The following TTYH1 variants were observed in gnomAD, a reference collection of about 807,000 sequenced individuals.
TTYH1 encodes the protein protein tweety homolog 1.
TTYH1 carries 33 observed loss-of-function variants against 61.2 expected under a neutral mutation model. The observed-to-expected ratio is 0.54, with a 90% CI of 0.41 to 0.72. The LOEUF (loss-of-function observed/expected upper bound fraction) is 0.72. TTYH1 is among the 30% of genes least tolerant of loss of function. TTYH1 has a pLI of 0.00. For missense variants in TTYH1, 538 were observed against 575.8 expected, an observed-to-expected ratio of 0.93 and a Z score of 0.67; for synonymous variants, 308 against 266.4, an observed-to-expected ratio of 1.16 and a Z score of -1.52.
chr19:54,419,059 G>C lies in TTYH1; in HGVS notation c.127-69G>C. ...TCCCAGACCCCGACCCCCCAGCCAC[G>C]CAGGAAGGGGGATCTGAGTGTGGAA... is the stretch of plus-strand genomic sequence containing the variant. On this transcript the variant is annotated intron_variant, in intron 1 of 13. Transcript: ENST00000376530. The surrounding 1 kb of genome is among the most constrained non-coding windows in gnomAD (Gnocchi z 6.1). The C allele has an allele frequency of 6.8e-7, 1 of 1,476,324 alleles. No individual in the cohort carries two copies. Among genetic ancestry groups the C allele is most frequent in the East Asian group, 2.3e-5 (1 of 42,834 alleles). The allele number at this position is 1,476,324 out of a possible 1,614,324, so 91.5% of individuals were successfully genotyped here.
rs1040814135 is a variant in TTYH1, at chr19:54,415,791, C to T, written c.126+113C>T. 2.5e-5 allele frequency: 31 copies of T among 1,221,334 alleles called. No homozygotes were observed. In the African/African-American group the frequency reaches 4.1e-4, roughly 16 times the overall value. 75.7% of individuals were successfully genotyped at this position (1,221,334 alleles called of 1,614,324 possible). A position where few individuals can be genotyped will look rare whatever the true frequency, so the allele number is the denominator to read the frequency against. ...CCTGAGCTCCGCCGGAGGCTGGGGG[C>T]CGGCCCGGACTTTGGGGTTTCGGAG... On this transcript the variant is annotated intron_variant, in intron 1 of 13. Coordinates refer to ENST00000376530, the MANE Select transcript of TTYH1 (RefSeq NM_020659.4). The surrounding 1 kb of genome is among the most constrained non-coding windows in gnomAD (Gnocchi z 5.2).
rs1229046646 is a variant in TTYH1 at position 54,429,997 on chromosome 19, G to A, written c.883+40G>A. 1 of 1,574,610 alleles carries A rather than the reference G, an allele frequency of 6.4e-7. No individual in the cohort carries two copies. The highest frequency in any genetic ancestry group is 1.4e-5 in the African/African-American group (1 of 74,016). Reference sequence around the variant, plus strand: ...CCCGGTGGGTCCGCCGGGTTGGGCAGTGCAGGCCCTGGCTTCCTCAGGCCT... The same window carrying A: ...CCCGGTGGGTCCGCCGGGTTGGGCAATGCAGGCCCTGGCTTCCTCAGGCCT... On this transcript the variant is annotated intron_variant, in intron 7 of 13. Coordinates refer to ENST00000376530, the MANE Select transcript of TTYH1 (RefSeq NM_020659.4). The surrounding 1 kb of genome is among the most constrained non-coding windows in gnomAD (Gnocchi z 5.1).
Position 54,415,475 on chromosome 19 carries a change from G to C in TTYH1, c.-78G>C. On this transcript the variant is annotated 5_prime_UTR_variant, in exon 1 of 14. Transcript: ENST00000376530. The surrounding 1 kb of genome is among the most constrained non-coding windows in gnomAD (Gnocchi z 5.2). ...GCTCCCCTGAGCCCAGCCAGACCCC[G>C]CGCCGCCCGCGCCCCGCTCGACTCC... The C allele has an allele frequency of 9.7e-7, 1 of 1,026,916 alleles. No homozygotes were observed. Among genetic ancestry groups the C allele is most frequent in the East Asian group, 1.1e-4 (1 of 9,268 alleles). 63.6% of individuals were successfully genotyped at this position (1,026,916 alleles called of 1,614,324 possible).
rs1472879548 is a variant in TTYH1 at position 54,435,847 on chromosome 19, G to A, written c.1288G>A (p.Asp430Asn). 2 of 1,613,232 alleles carry A rather than the reference G, an allele frequency of 1.2e-6. No homozygotes were observed. Among genetic ancestry groups the A allele is most frequent in the East Asian group, 2.2e-5 (1 of 44,890 alleles). The change falls in exon 12 of 14, where the codon GAC (aspartate) becomes AAC (asparagine). Residue 430 changes from aspartate to asparagine, a missense_variant. Transcript: ENST00000376530. ...FPPSDDYDDT[D>N]DDDPFNPQES... ...CCCCAGTGACGACTACGATGACACA[G>A]ACGATGACGACCCTTTCAACCCTCA...
In TTYH1 at chr19:54,429,262, T is replaced by C; in HGVS notation, c.735-45T>C. The C allele has an allele frequency of 6.3e-6, 10 of 1,577,956 alleles. No individual in the cohort carries two copies. Among genetic ancestry groups the C allele is most frequent in the Non-Finnish European group, 8.7e-6 (10 of 1,147,284 alleles). On this transcript the variant is annotated intron_variant, in intron 5 of 13. Transcript: ENST00000376530. This position sits in a 1 kb window ranked among gnomAD's most constrained non-coding sequence, Gnocchi z 5.1. Reference sequence around the variant, plus strand: ...TTTGGGGTGTGGAAAGAGGCTAGGCTAGGAGATTAAGAACCCCGGGCTGAT... The same window carrying C: ...TTTGGGGTGTGGAAAGAGGCTAGGCCAGGAGATTAAGAACCCCGGGCTGAT...
intron 4 of TTYH1, among the ~76,000 whole-genome samples, chr19:54,423,799 G>C (rs1342116992): frequency 6.6e-6 from 1 of 152,152 alleles, no homozygotes; most frequent in Non-Finnish European, 1.5e-5. Flanking sequence ...GCGTCCTCCG[G>C]GGGGAACCAG....
Position 54,422,492 on chromosome 19 carries a change from C to T in TTYH1, c.638+82C>T, listed in dbSNP as rs1599892486. 5.4e-6 allele frequency: 7 copies of T among 1,284,812 alleles called. No homozygotes were observed. In the East Asian group the frequency reaches 1.5e-4, roughly 28 times the overall value. The allele number at this position is 1,284,812 out of a possible 1,614,324, so 79.6% of individuals were successfully genotyped here. On this transcript the variant is annotated intron_variant, in intron 4 of 13. Coordinates refer to ENST00000376530, the MANE Select transcript of TTYH1 (RefSeq NM_020659.4). ...GGGGACAGTTGGCAATGCCTGGAGG[C>T]AGTTTTGGTTGTGACAGCTGGGGAG...
At chr19:54,423,937 C>T (rs1349754679) in intron 4 of TTYH1, among the ~76,000 whole-genome samples, 6 of 152,030 alleles carry the variant, frequency 3.9e-5, no homozygotes, top group African/African-American at 9.7e-5. Flanking sequence ...CCGAGGCAGG[C>T]GGATCACGAG....
At chr19:54,423,363 A>C in intron 4 of TTYH1, among the ~76,000 whole-genome samples, 1 of 151,830 alleles carries the variant, frequency 6.6e-6, no homozygotes, top group African/African-American at 2.4e-5. Context: ...ACGCCCGGCT[A>C]ATTTTTGTAT....
In TTYH1 at chr19:54,430,871, A is replaced by G. The variant is rs2122935104; in HGVS notation, c.998A>G (p.Glu333Gly). The G allele has an allele frequency of 1.2e-6, 2 of 1,613,628 alleles. No homozygotes were observed. The highest frequency in any genetic ancestry group is 1.1e-5 in the South Asian group (1 of 91,080). The change falls in exon 9 of 14, where the codon GAG (glutamate) becomes GGG (glycine). Residue 333 changes from glutamate to glycine, a missense_variant. Physicochemically the swap from Glu to Gly is moderately conservative, Grantham distance 98. This residue lies in a region of TTYH1 where 378 missense variants were observed against 401.2 expected (regional missense o/e 0.94). Transcript: ENST00000376530. ...ATCCACTCCCAGCTGCTGGGCCTGG[A>G]GCGAGAAGCTGTGCCTCAGTTCCCT... ...ANIHSQLLGL[E>G]REAVPQFPSA...
chr19:54,415,827 C>T lies in TTYH1; in HGVS notation c.126+149C>T. ...TTTGGGGTTTCGGAGGGAGGAGGAG[C>T]CTGGGGGCGCCCATGCCTGGAGGTT... On this transcript the variant is annotated intron_variant, in intron 1 of 13. Transcript: ENST00000376530. The surrounding 1 kb of genome is among the most constrained non-coding windows in gnomAD (Gnocchi z 5.2). 1.0e-6 allele frequency: 1 copy of T among 970,782 alleles called. No homozygotes were observed. Among genetic ancestry groups the T allele is most frequent in the Non-Finnish European group, 1.5e-6 (1 of 684,872 alleles). 60.1% of individuals were successfully genotyped at this position (970,782 alleles called of 1,614,324 possible).
chr19:54,431,080 A>T lies in TTYH1; in HGVS notation c.1033-19A>T. On this transcript the variant is annotated intron_variant, in intron 9 of 13. Transcript: ENST00000376530. The stretch of plus-strand genomic sequence containing the variant: ...GGCCTGAAGAGTTCGTGGGAAAACG[A>T]CCCCTCCTCGCCCCGCAGAAGCCTC... 6.3e-7 allele frequency: 1 copy of T among 1,596,904 alleles called. No individual in the cohort carries two copies. Among genetic ancestry groups the T allele is most frequent in the Admixed American group, 1.7e-5 (1 of 59,836 alleles).
At position 54,419,389 on chromosome 19, in the gene TTYH1, G is replaced by A. The variant is rs1376880530; in HGVS notation, c.305+83G>A. The A allele has an allele frequency of 1.4e-6, 2 of 1,396,680 alleles. No homozygotes were observed. The highest frequency in any genetic ancestry group is 1.4e-5 in the African/African-American group (1 of 70,906). 86.5% of individuals were successfully genotyped at this position (1,396,680 alleles called of 1,614,324 possible). A position where few individuals can be genotyped will look rare whatever the true frequency, so the allele number is the denominator to read the frequency against. ...GGCCTTCCTGGGGGTGTCCTCCGGG[G>A]ACATGGAGGAAGCAGACAGGAAGGA... On this transcript the variant is annotated intron_variant, in intron 2 of 13. Transcript: ENST00000376530. This position sits in a 1 kb window ranked among gnomAD's most constrained non-coding sequence, Gnocchi z 6.1.
At chr19:54,427,970 G>A (rs996038166) in intron 5 of TTYH1, among the ~76,000 whole-genome samples, 5 of 151,860 alleles carry the variant, frequency 3.3e-5, no homozygotes, top group Non-Finnish European at 7.4e-5. Context: ...GAGTGCAGTG[G>A]CATGATCACG....
rs1220308301 is a variant in TTYH1 at position 54,429,771 on chromosome 19, ACCTGGAC to A, written c.808-108_808-102del. The A allele has an allele frequency of 1.1e-6, 1 of 912,372 alleles. No individual in the cohort carries two copies. The highest frequency in any genetic ancestry group is 1.7e-6 in the Non-Finnish European group (1 of 571,950). The allele number at this position is 912,372 out of a possible 1,614,324, so 56.5% of individuals were successfully genotyped here. On this transcript the variant is annotated intron_variant, in intron 6 of 13. Transcript: ENST00000376530. The surrounding 1 kb of genome is among the most constrained non-coding windows in gnomAD (Gnocchi z 5.1). ...TGAGTCTGAGGGAAGAGGGGCTGGG[ACCTGGAC>A]CCCTGGGTGGGGAGGGGAGCTGGGG...
intron 3 of TTYH1, 72 bp from the exon 4 acceptor site, chr19:54,422,117 TA>T: frequency 1.5e-6 from 2 of 1,324,832 alleles, no homozygotes; most frequent in Non-Finnish European, 2.1e-6. Flanking sequence ...CCTTCACTTC[TA>T]AAACCCCATG....
At chr19:54,425,020 C>T (rs756047749) in intron 4 of TTYH1, among the ~76,000 whole-genome samples, 3 of 152,140 alleles carry the variant, frequency 2.0e-5, no homozygotes, top group South Asian at 2.1e-4. Flanking sequence ...CTGGGCCCTG[C>T]GGTGAGTGTT....
chr19:54,436,150 T>C lies in TTYH1; in HGVS notation c.*21T>C, dbSNP rs774476844. On this transcript the variant is annotated 3_prime_UTR_variant, in exon 13 of 14. Coordinates refer to ENST00000376530, the MANE Select transcript of TTYH1 (RefSeq NM_020659.4). The surrounding 1 kb of genome is among the most constrained non-coding windows in gnomAD (Gnocchi z 4.3). ...TCTGAGCCCCTCCTCCCGGCTGGACTGGAGCCTGGCTCCCCTCTTCGGTGA... is the reference window on the plus strand; with the variant it reads ...TCTGAGCCCCTCCTCCCGGCTGGACCGGAGCCTGGCTCCCCTCTTCGGTGA... 1 of 1,614,086 alleles carries C rather than the reference T, an allele frequency of 6.2e-7. No individual in the cohort carries two copies. The highest frequency in any genetic ancestry group is 8.5e-7 in the Non-Finnish European group (1 of 1,179,978).
rs759684896 is a variant in TTYH1, at chr19:54,422,403, G to C, written c.631G>C (p.Glu211Gln). ...QVAENVSFVE[E>Q]YRWLAYVLLL... Reference sequence around the variant, plus strand: ...GGCTGAAAATGTGTCCTTTGTGGAGGAGTACAGGTGAGACGCTGCTCTTCT... The same window carrying C: ...GGCTGAAAATGTGTCCTTTGTGGAGCAGTACAGGTGAGACGCTGCTCTTCT... The change falls in exon 4 of 14, where the codon GAG (glutamate) becomes CAG (glutamine). Residue 211 changes from glutamate (E) to glutamine (Q), a missense_variant. Transcript: ENST00000376530. The C allele has an allele frequency of 7.1e-6, 11 of 1,545,494 alleles. No individual in the cohort carries two copies. Among genetic ancestry groups the C allele is most frequent in the Non-Finnish European group, 8.8e-6 (10 of 1,141,760 alleles).
Sources: allele counts gnomAD v4.1 joint callset (sites outside exome capture counted in the v4.1 genomes callset), GRCh38; gene constraint gnomAD v4.1.1; regional missense constraint gnomAD v4.1.1; non-coding constraint Gnocchi (gnomAD v3.1); transcripts MANE v1.5; gene names NCBI Gene and HGNC (gene_info 2026-07-23, HGNC 2026-07-21).